Variants in CCDC149 observed in about 807,000 individuals in gnomAD.
CCDC149 encodes the protein coiled-coil domain-containing protein 149.
Under a neutral mutation model 59.9 loss-of-function variants are expected in CCDC149, and 45 were observed. The observed-to-expected ratio is 0.75, with a 90% CI of 0.59 to 0.96. The LOEUF is 0.96. Ranked by LOEUF, CCDC149 falls within the 40% of genes least tolerant of loss-of-function variation. The probability of loss-of-function intolerance (pLI) is 0.00; values close to 1 mark genes in which losing one functional copy is unlikely to be tolerated. For missense variants in CCDC149, 584 were observed against 664.7 expected (o/e 0.88, Z 1.33); for synonymous variants, 245 against 260.6 (o/e 0.94, Z 0.58).
intron 4 of CCDC149, among the ~76,000 whole-genome samples, chr4:24,851,514 C>A (rs1433859730): frequency 6.6e-6 from 1 of 151,904 alleles, no homozygotes; most frequent in African/African-American, 2.4e-5. Context: ...TTGAAAGTGA[C>A]CAAAAGATGA....
intron 1 of CCDC149, among the ~76,000 whole-genome samples, chr4:24,933,313 T>C (rs1319348370): frequency 6.6e-6 from 1 of 152,162 alleles, no homozygotes; most frequent in African/African-American, 2.4e-5. Flanking sequence ...CAGTGAATGG[T>C]AATAACGCCC....
intron 7 of CCDC149, among the ~76,000 whole-genome samples, chr4:24,835,610 A>T (rs1269661013): frequency 6.6e-6 from 1 of 152,254 alleles, no homozygotes; most frequent in Non-Finnish European, 1.5e-5. Flanking sequence ...ACACATTTTT[A>T]AAAATTATGT....
At chr4:24,959,795 C>G (rs1411115212) in intron 1 of CCDC149, among the ~76,000 whole-genome samples, 1 of 152,132 alleles carries the variant, frequency 6.6e-6, no homozygotes, top group African/African-American at 2.4e-5. Flanking sequence ...GTCTAGAATT[C>G]TATCCCAAGC....
chr4:24,943,747 G>A (rs993836087), intron 1 of CCDC149, among the ~76,000 whole-genome samples: 8 of 152,154 alleles, frequency 5.3e-5, no homozygotes, highest in African/African-American at 1.9e-4. Flanking sequence ...CAAAAAGTGG[G>A]CAAAGGATAT....
intron 1 of CCDC149, among the ~76,000 whole-genome samples, chr4:24,927,951 A>G (rs1208492918): frequency 6.6e-6 from 1 of 152,174 alleles, no homozygotes; most frequent in Non-Finnish European, 1.5e-5. Flanking sequence ...AGTCTAGAAG[A>G]AGGATAGAAC....
intron 4 of CCDC149, among the ~76,000 whole-genome samples, chr4:24,850,379 A>G (rs922775568): frequency 2.6e-5 from 4 of 152,216 alleles, no homozygotes; most frequent in Non-Finnish European, 5.9e-5. Context: ...AGGACATTGC[A>G]GGTTGCACAG....
intron 3 of CCDC149, among the ~76,000 whole-genome samples, chr4:24,854,409 T>C (rs1717874640): frequency 6.6e-6 from 1 of 152,082 alleles, no homozygotes; most frequent in Admixed American, 6.6e-5. Flanking sequence ...TTTTAAAAGC[T>C]CATAATGAAT....
intron 4 of CCDC149, among the ~76,000 whole-genome samples, chr4:24,839,026 TCTCACA>T (rs766979953): frequency 0.021 from 2,693 of 131,338 alleles, 70 homozygotes; most frequent in African/African-American, 0.062. Context: ...TCTCTCTCTC[TCTCACA>T]CACACACACA....
chr4:24,820,244 G>A (rs1163772225), intron 11 of CCDC149: 5 of 382,990 alleles, frequency 1.3e-5, no homozygotes, highest in Non-Finnish European at 2.4e-5. Context: ...ACTGCTTGAT[G>A]TATATTCATC....
intron 1 of CCDC149, among the ~76,000 whole-genome samples, chr4:24,943,054 G>C (rs574464908): frequency 2.3e-4 from 35 of 151,414 alleles, no homozygotes; most frequent in Middle Eastern, 3.4e-3. Context: ...CTACTTTAAA[G>C]TTCATATGGA....
chr4:24,979,080 GTAAA>G, intron 1 of CCDC149, among the ~76,000 whole-genome samples: 1 of 152,370 alleles, frequency 6.6e-6, no homozygotes, highest in African/African-American at 2.4e-5. Context: ...ATGGAAGCCA[GTAAA>G]GGGTGAATTA....
At chr4:24,970,790 C>T (rs1723944654) in intron 1 of CCDC149, among the ~76,000 whole-genome samples, 1 of 152,108 alleles carries the variant, frequency 6.6e-6, no homozygotes, top group Non-Finnish European at 1.5e-5. Context: ...CAGACTCCCA[C>T]ATACCTGGGA....
chr4:24,922,067 C>T (rs935088067), intron 1 of CCDC149, among the ~76,000 whole-genome samples: 1 of 152,176 alleles, frequency 6.6e-6, no homozygotes, highest in African/African-American at 2.4e-5. Context: ...ATCATCTTTC[C>T]TTTATGCATA....
chr4:24,840,497 C>A (rs545630595), intron 4 of CCDC149, among the ~76,000 whole-genome samples: 13 of 152,144 alleles, frequency 8.5e-5, no homozygotes, highest in Non-Finnish European at 1.9e-4. Context: ...ATTACAGTCA[C>A]CCGACACACA....
chr4:24,835,343 A>G (rs186663689), intron 7 of CCDC149, among the ~76,000 whole-genome samples: 1 of 152,378 alleles, frequency 6.6e-6, no homozygotes, highest in East Asian at 1.9e-4. Context: ...CTAACATGTG[A>G]AGTCACTAGT....
intron 1 of CCDC149, among the ~76,000 whole-genome samples, chr4:24,927,877 C>G (rs528304162): frequency 6.7e-4 from 102 of 152,110 alleles, no homozygotes; most frequent in African/African-American, 2.4e-3. Flanking sequence ...AAAAACTCAG[C>G]GTACCTATAC....
chr4:24,877,890 T>C (rs1261917243), intron 1 of CCDC149, among the ~76,000 whole-genome samples: 1 of 152,188 alleles, frequency 6.6e-6, no homozygotes, highest in Non-Finnish European at 1.5e-5. Flanking sequence ...ACTGGATATA[T>C]TGCACCGTCT....
At chr4:24,817,360 G>A (rs568459010) in intron 12 of CCDC149, among the ~76,000 whole-genome samples, 95 of 152,096 alleles carry the variant, frequency 6.2e-4, no homozygotes, top group Non-Finnish European at 1.2e-3. Context: ...ACCCAGCCTT[G>A]CTTTCTGGCT....
chr4:24,850,342 C>T (rs777914172), intron 4 of CCDC149, among the ~76,000 whole-genome samples: 7 of 152,132 alleles, frequency 4.6e-5, no homozygotes, highest in African/African-American at 1.7e-4. Context: ...GTCGGTGCCA[C>T]GCAAGTGAGA....
Sources: gnomAD v4.1 joint callset for allele counts (sites outside exome capture counted in the v4.1 genomes callset) on GRCh38, gnomAD v4.1.1 for gene constraint, MANE v1.5 for transcripts, NCBI Gene and HGNC (gene_info 2026-07-23, HGNC 2026-07-21) for gene names.